Variants in CHDH observed in about 807,000 individuals in gnomAD.
CHDH encodes the protein choline dehydrogenase.
Under a neutral mutation model 56.9 loss-of-function variants are expected in CHDH, and 43 were observed. That is an observed-to-expected ratio of 0.76 (90% CI 0.59 to 0.97). The LOEUF (loss-of-function observed/expected upper bound fraction) is 0.97. Ranked by LOEUF, CHDH falls within the 50% of genes least tolerant of loss-of-function variation. The pLI, the probability that CHDH is intolerant of heterozygous loss-of-function variation, is 0.00. For missense variants in CHDH, 816 were observed against 821.1 expected, an observed-to-expected ratio of 0.99 and a Z score of 0.08; for synonymous variants, 364 against 348.5, an observed-to-expected ratio of 1.04 and a Z score of -0.50.
chr3:53,818,641 C>G (rs1290286252), intron 8 of CHDH, among the ~76,000 whole-genome samples: 2 of 152,200 alleles, frequency 1.3e-5, no homozygotes, highest in Non-Finnish European at 2.9e-5. Context: ...GAAAAATGCT[C>G]TACCTACAGA....
At chr3:53,840,526 C>CAAA (rs35642771) in intron 2 of CHDH, among the ~76,000 whole-genome samples, 1 of 148,388 alleles carries the variant, frequency 6.7e-6, no homozygotes. Context: ...GACCTTGTCT[C>CAAA]AAAAAAAAAA....
Position 53,817,626 on chromosome 3 carries a change from A to C in CHDH, c.*151T>G. ...CTGCCCAGTACTTGTCTCATTTCCC[A>C]AGACTTTATCCAATTCTCAGCCACT... On this transcript the variant is annotated 3_prime_UTR_variant, in exon 9 of 9. Transcript: ENST00000315251. The C allele has an allele frequency of 1.5e-6, 1 of 651,476 alleles. No individual in the cohort carries two copies. Among genetic ancestry groups the C allele is most frequent in the South Asian group, 2.0e-5 (1 of 49,890 alleles). The allele number at this position is 651,476 out of a possible 1,614,324, so 40.4% of individuals were successfully genotyped here.
intron 2 of CHDH, among the ~76,000 whole-genome samples, chr3:53,827,545 T>C (rs2106968645): frequency 6.6e-6 from 1 of 152,300 alleles, no homozygotes; most frequent in African/African-American, 2.4e-5. Flanking sequence ...CCTGTAGTCC[T>C]AGCTTGAGGC....
chr3:53,819,660 C>G lies in CHDH; in HGVS notation c.1135G>C (p.Ala379Pro), dbSNP rs1411380820. Residue 379 changes from alanine to proline, a missense_variant, in exon 7 of 9, where the codon GCC becomes CCC. Physicochemically the swap from Ala to Pro is conservative, Grantham distance 27. Transcript: ENST00000315251. This position sits in a 1 kb window ranked among gnomAD's most constrained non-coding sequence, Gnocchi z 5.4. Reference protein sequence around the residue: ...LWKFTGEGATAHLETGGFIRS... With the variant: ...LWKFTGEGATPHLETGGFIRS... Reference sequence around the variant, plus strand: ...ATGAACCCACCTGTTTCCAGATGGGCAGTGGCTCCCTCCCCTGAGAAGCAG... The same window carrying G: ...ATGAACCCACCTGTTTCCAGATGGGGAGTGGCTCCCTCCCCTGAGAAGCAG... The G allele has an allele frequency of 6.2e-7, 1 of 1,604,780 alleles. No homozygotes were observed. The highest frequency in any genetic ancestry group is 1.1e-5 in the South Asian group (1 of 89,674).
At chr3:53,834,552 G>C (rs1698435197) in intron 2 of CHDH, among the ~76,000 whole-genome samples, 1 of 152,216 alleles carries the variant, frequency 6.6e-6, no homozygotes, top group Non-Finnish European at 1.5e-5. Flanking sequence ...ATGTAATTTT[G>C]AGCATGTGGC....
intron 1 of CHDH, among the ~76,000 whole-genome samples, chr3:53,844,260 T>C (rs938662700): frequency 6.6e-6 from 1 of 152,130 alleles, no homozygotes; most frequent in African/African-American, 2.4e-5. Flanking sequence ...TTCTTACAGC[T>C]CAGCCACCTC....
intron 2 of CHDH, among the ~76,000 whole-genome samples, chr3:53,840,715 AGTT>A (rs1260508125): frequency 1.3e-5 from 2 of 152,142 alleles, no homozygotes; most frequent in East Asian, 3.8e-4. Context: ...GGATTTTTGT[AGTT>A]GTTGTTTGTT....
chr3:53,823,747 T>C lies in CHDH; in HGVS notation c.262A>G (p.Ile88Val). The stretch of plus-strand genomic sequence containing the variant: ...GCCACCAGGGCCGCGGGCATGTGGA[T>C]CTTCCACGAGAGCCGCTTGCTCCCC... ...LAGSKRLSWKIHMPAALVANL... is the reference protein window; with the variant it reads ...LAGSKRLSWKVHMPAALVANL... The change falls in exon 3 of 9, where the codon ATC becomes GTC. Residue 88 changes from isoleucine (I) to valine (V), a missense_variant. Coordinates refer to ENST00000315251, the MANE Select transcript of CHDH (RefSeq NM_018397.5). The C allele has an allele frequency of 6.4e-7, 1 of 1,557,108 alleles. No individual in the cohort carries two copies. Among genetic ancestry groups the C allele is most frequent in the African/African-American group, 1.4e-5 (1 of 73,452 alleles).
At chr3:53,834,818 T>C (rs751399456) in intron 2 of CHDH, among the ~76,000 whole-genome samples, 2 of 152,226 alleles carry the variant, frequency 1.3e-5, no homozygotes, top group Non-Finnish European at 2.9e-5. Context: ...CAGTGTACTG[T>C]GCCCTGTAGG....
At chr3:53,832,622 G>A (rs1254531685) in intron 2 of CHDH, among the ~76,000 whole-genome samples, 1 of 152,174 alleles carries the variant, frequency 6.6e-6, no homozygotes, top group Non-Finnish European at 1.5e-5. Flanking sequence ...GCCTTAGAAA[G>A]GAATGAAATT....
chr3:53,819,141 A>C lies in CHDH; in HGVS notation c.1264-101T>G, dbSNP rs1490942604. ...TGTAGGGTGGGCCTCTGCTTCCAGA[A>C]TCAGTGGGGAACAGATGCATGTTAG... On this transcript the variant is annotated intron_variant, in intron 7 of 8. Coordinates refer to ENST00000315251, the MANE Select transcript of CHDH (RefSeq NM_018397.5). The surrounding 1 kb of genome is among the most constrained non-coding windows in gnomAD (Gnocchi z 5.4). The C allele has an allele frequency of 1.3e-6, 1 of 779,888 alleles. No homozygotes were observed. The highest frequency in any genetic ancestry group is 1.7e-5 in the African/African-American group (1 of 58,466). 48.3% of individuals were successfully genotyped at this position (779,888 alleles called of 1,614,324 possible). A position where few individuals can be genotyped will look rare whatever the true frequency, so the allele number is the denominator to read the frequency against.
chr3:53,829,513 A>G (rs1698267330), intron 2 of CHDH, among the ~76,000 whole-genome samples: 1 of 151,616 alleles, frequency 6.6e-6, no homozygotes, highest in African/African-American at 2.4e-5. Flanking sequence ...AAATCTCTTC[A>G]CCCTCCTCTC....
chr3:53,836,886 G>A (rs114182156), intron 2 of CHDH, among the ~76,000 whole-genome samples: 5,015 of 152,312 alleles, frequency 0.033, 128 homozygotes, highest in Non-Finnish European at 0.048. Flanking sequence ...TGGACACTTC[G>A]TATGTCTGTT....
chr3:53,823,657 G>A lies in CHDH; in HGVS notation c.352C>T (p.Arg118Cys), dbSNP rs2095632969. Residue 118 changes from arginine (R) to cysteine (C), a missense_variant, in exon 3 of 9, where the codon CGC becomes TGC. Physicochemically the swap from Arg to Cys is radical, Grantham distance 180. Transcript: ENST00000315251. The part of the protein sequence containing the change: ...HTEVQRGLDG[R>C]VLYWPRGRVW... Reference sequence around the variant, plus strand: ...CGGCCGCGTGGCCAGTACAGCACGCGGCCGTCCAGGCCCCGCTGCACCTCT... The same window carrying A: ...CGGCCGCGTGGCCAGTACAGCACGCAGCCGTCCAGGCCCCGCTGCACCTCT... 13 of 1,545,484 alleles carry A rather than the reference G, an allele frequency of 8.4e-6. No individual in the cohort carries two copies. The highest frequency in any genetic ancestry group is 1.4e-5 in the African/African-American group (1 of 72,948).
chr3:53,819,492 G>GGAGACAT lies in CHDH; in HGVS notation c.1263+33_1263+39dup. ...GGAGCATCTTCCTTCCTGGTGGGAA[G>GGAGACAT]GAGACATCCTGGGAAGCCGAGGCTC... On this transcript the variant is annotated intron_variant, in intron 7 of 8. Transcript: ENST00000315251. The surrounding 1 kb of genome is among the most constrained non-coding windows in gnomAD (Gnocchi z 5.4). 1 of 1,571,554 alleles carries GGAGACAT rather than the reference G, an allele frequency of 6.4e-7. No homozygotes were observed. The highest frequency in any genetic ancestry group is 1.2e-5 in the South Asian group (1 of 83,888).
chr3:53,832,264 G>A (rs1345305052), intron 2 of CHDH, among the ~76,000 whole-genome samples: 1 of 152,220 alleles, frequency 6.6e-6, no homozygotes, highest in East Asian at 1.9e-4. Flanking sequence ...GGGCATGGTG[G>A]CTCACGCCTG....
In CHDH at chr3:53,816,833, AT is replaced by A. The variant is rs1195511240; in HGVS notation, c.*943del. ...CTCCCCTTGAATAAGGTCCAAAAAA[AT>A]CTCAGGTTTTTTTTTTTTTTTTTTT... is the stretch of plus-strand genomic sequence containing the variant. On this transcript the variant is annotated 3_prime_UTR_variant, in exon 9 of 9. Transcript: ENST00000315251. 1 of 148,768 alleles carries A rather than the reference AT, an allele frequency of 6.7e-6. No homozygotes were observed. The highest frequency in any genetic ancestry group is 2.5e-5 in the African/African-American group (1 of 40,184). 9.2% of individuals were successfully genotyped at this position (148,768 alleles called of 1,614,324 possible).
In CHDH at chr3:53,823,547, G is replaced by A. The variant is rs147149221; in HGVS notation, c.462C>T (p.Gly154=). 40,850 of 1,542,300 alleles carry A rather than the reference G, an allele frequency of 0.026. 628 individuals carry two copies. The highest frequency in any genetic ancestry group is 0.031 in the Non-Finnish European group (35,133 of 1,146,040). Residue 154 remains glycine (G), a synonymous_variant, in exon 3 of 9, where the codon GGC becomes GGT. Coordinates refer to ENST00000315251, the MANE Select transcript of CHDH (RefSeq NM_018397.5). ...AEDYERWQRQ[G]ARGWDYAHCL... ...AGTGCGCGTAGTCCCAGCCGCGGGC[G>A]CCCTGGCGCTGCCAGCGCTCGTAGT... is the stretch of plus-strand genomic sequence containing the variant.
intron 1 of CHDH, among the ~76,000 whole-genome samples, chr3:53,841,625 G>A (rs902044715): frequency 1.2e-4 from 18 of 152,184 alleles, no homozygotes; most frequent in African/African-American, 3.4e-4. Flanking sequence ...GGGTTTAACC[G>A]CAGAGGGTCC....
Sources: gnomAD v4.1 joint callset for allele counts (sites outside exome capture counted in the v4.1 genomes callset) on GRCh38, gnomAD v4.1.1 for gene constraint, Gnocchi (gnomAD v3.1) non-coding constraint, MANE v1.5 for transcripts, NCBI Gene and HGNC (gene_info 2026-07-23, HGNC 2026-07-21) for gene names.